Variants in ABI3BP observed in about 807,000 individuals in gnomAD.
ABI3BP encodes the protein ABI family member 3 binding protein, also known as target of Nesh-SH3.
A neutral mutation model predicts 268.6 loss-of-function variants in ABI3BP; 216 were observed. The observed-to-expected ratio is 0.80, with a 90% confidence interval of 0.72 to 0.90. ABI3BP has a LOEUF of 0.90. ABI3BP is among the 40% of genes least tolerant of loss of function. The pLI, the probability that ABI3BP is intolerant of heterozygous loss-of-function variation, is 0.00. For missense variants in ABI3BP, 2,090 were observed against 2,182.4 expected (o/e 0.96, Z 0.84); for synonymous variants, 730 against 730.0 (o/e 1.00, Z 0.00).
chr3:100,967,332 T>C (rs933631435), intron 1 of ABI3BP, among the ~76,000 whole-genome samples: 7 of 151,894 alleles, frequency 4.6e-5, no homozygotes, highest in African/African-American at 1.7e-4. Context: ...TGAAATATTG[T>C]CTCTGTCAAA....
intron 27 of ABI3BP, 146 bp downstream of exon 27, chr3:100,836,974 TAAAA>T: frequency 1.5e-6 from 1 of 682,024 alleles, no homozygotes; most frequent in South Asian, 2.1e-5. Flanking sequence ...CTAATGATGT[TAAAA>T]AGGCCCCTGT....
At chr3:100,870,263 C>A (rs571182484) in intron 9 of ABI3BP, among the ~76,000 whole-genome samples, 30 of 152,166 alleles carry the variant, frequency 2.0e-4, no homozygotes, top group African/African-American at 7.0e-4. Context: ...TATTTGCAAA[C>A]CACATGTATC....
At chr3:100,824,745 C>A in intron 36 of ABI3BP, 113 bp downstream of exon 36, 1 of 828,522 alleles carries the variant, frequency 1.2e-6, no homozygotes, top group East Asian at 2.7e-5. Context: ...ATGCCTTATG[C>A]CCTCGTGCTT....
intron 1 of ABI3BP, among the ~76,000 whole-genome samples, chr3:100,947,781 GA>G (rs1021038127): frequency 2.7e-5 from 4 of 150,830 alleles, no homozygotes; most frequent in African/African-American, 4.9e-5. Flanking sequence ...ATGAAGCTGA[GA>G]AAAAAAAAGA....
Position 100,862,317 on chromosome 3 carries a change from G to T in ABI3BP, c.1279C>A (p.Gln427Lys). 6.3e-7 allele frequency: 1 copy of T among 1,597,630 alleles called. No individual in the cohort carries two copies. Among genetic ancestry groups the T allele is most frequent in the Non-Finnish European group, 8.5e-7 (1 of 1,172,340 alleles). ...ISEDSKVLQP[Q>K]TATYDVFSSP... The stretch of plus-strand genomic sequence containing the variant: ...AAGAAAAGGATTTAATTACCAGTTT[G>T]AGGCTGCAGAACTTTGGAATCTTCA... Residue 427 changes from glutamine to lysine, a missense_variant, in exon 14 of 68, where the codon CAA becomes AAA. Physicochemically the swap from Gln to Lys is moderately conservative, Grantham distance 53 (BLOSUM62 1). Coordinates refer to ENST00000471714, the MANE Select transcript of ABI3BP (RefSeq NM_001375547.2).
intron 14 of ABI3BP, among the ~76,000 whole-genome samples, chr3:100,852,376 C>G (rs75389222): frequency 0.03 from 4,603 of 152,298 alleles, 204 homozygotes; most frequent in African/African-American, 0.1. Flanking sequence ...GTAAAAGTTA[C>G]TGTTACAATA....
At chr3:100,786,350 T>C (rs2097045684) in intron 57 of ABI3BP, among the ~76,000 whole-genome samples, 1 of 152,182 alleles carries the variant, frequency 6.6e-6, no homozygotes, top group African/African-American at 2.4e-5. Context: ...GATACATTAT[T>C]ATAAAGTTGA....
chr3:100,884,254 C>A (rs2040814862), intron 6 of ABI3BP, among the ~76,000 whole-genome samples: 1 of 150,048 alleles, frequency 6.7e-6, no homozygotes, highest in Non-Finnish European at 1.5e-5. Flanking sequence ...AACAAAAAAC[C>A]AACCAAACAG....
At chr3:100,960,841 T>C (rs1194076039) in intron 1 of ABI3BP, among the ~76,000 whole-genome samples, 1 of 152,154 alleles carries the variant, frequency 6.6e-6, no homozygotes, top group African/African-American at 2.4e-5. Context: ...GCAAAGAACC[T>C]GAATGAGCCT....
At chr3:100,801,874 A>C (rs73152431) in intron 51 of ABI3BP, among the ~76,000 whole-genome samples, 21,052 of 152,204 alleles carry the variant, frequency 0.14, 1,895 homozygotes, top group South Asian at 0.27. Flanking sequence ...GACAAAAAGT[A>C]TAAATGGAAA....
At chr3:100,759,891 TAAG>T (rs2095846137) in intron 63 of ABI3BP, among the ~76,000 whole-genome samples, 1 of 152,168 alleles carries the variant, frequency 6.6e-6, no homozygotes, top group Non-Finnish European at 1.5e-5. Flanking sequence ...ACAAAGCCCA[TAAG>T]AAGAGATGTT....
chr3:100,886,195 T>A lies in ABI3BP; in HGVS notation c.590A>T (p.Asn197Ile). The change falls in exon 5 of 68, where the codon AAT (asparagine) becomes ATT (isoleucine). Residue 197 changes from asparagine (N) to isoleucine (I), a missense_variant. Physicochemically the swap from Asn to Ile is moderately radical, Grantham distance 149. Transcript: ENST00000471714. ...NTVYEFGVKDNVEGGIWSKIF... is the reference protein window; with the variant it reads ...NTVYEFGVKDIVEGGIWSKIF... The stretch of plus-strand genomic sequence containing the variant: ...CTTACTCCAAATTCCACCTTCCACA[T>A]TGTCTTTCACTCCAAATTCATAAAC... The A allele has an allele frequency of 1.9e-6, 3 of 1,606,366 alleles. No individual in the cohort carries two copies. Among genetic ancestry groups the A allele is most frequent in the Non-Finnish European group, 1.7e-6 (2 of 1,176,232 alleles).
At chr3:100,924,861 A>C (rs1342701055) in intron 2 of ABI3BP, among the ~76,000 whole-genome samples, 1 of 152,174 alleles carries the variant, frequency 6.6e-6, no homozygotes, top group Non-Finnish European at 1.5e-5. Flanking sequence ...CAATTTATAT[A>C]ACAAAAAAAC....
chr3:100,972,432 C>A (rs988446750), intron 1 of ABI3BP, among the ~76,000 whole-genome samples: 1 of 152,170 alleles, frequency 6.6e-6, no homozygotes, highest in East Asian at 1.9e-4. Context: ...TGCACTAAAA[C>A]AACCAGGTTC....
At chr3:100,801,425 C>CAAAAAAAAAAAA (rs68171311) in intron 51 of ABI3BP, among the ~76,000 whole-genome samples, 1 of 87,508 alleles carries the variant, frequency 1.1e-5, no homozygotes, top group Non-Finnish European at 2.5e-5. Flanking sequence ...GATATCCTGT[C>CAAAAAAAAAAAA]AAAAAAAAAA....
At chr3:100,774,434 A>G (rs551331501) in intron 61 of ABI3BP, among the ~76,000 whole-genome samples, 171 bp downstream of exon 61, 36 of 152,282 alleles carry the variant, frequency 2.4e-4, no homozygotes, top group Admixed American at 2.3e-3. Flanking sequence ...TAAGCTAAAC[A>G]TATCCTAGAT....
chr3:100,854,853 C>T (rs1024224961), intron 14 of ABI3BP, among the ~76,000 whole-genome samples: 1 of 152,104 alleles, frequency 6.6e-6, no homozygotes, highest in South Asian at 2.1e-4. Context: ...TTCAGATTTT[C>T]CAGAGGAAAA....
At chr3:100,764,321 G>A (rs993868233) in intron 63 of ABI3BP, among the ~76,000 whole-genome samples, 2 of 152,192 alleles carry the variant, frequency 1.3e-5, no homozygotes, top group Non-Finnish European at 2.9e-5. Context: ...TCACTACTTT[G>A]TGTAGAATCC....
intron 14 of ABI3BP, among the ~76,000 whole-genome samples, chr3:100,854,707 C>T (rs2098919682): frequency 2.6e-5 from 4 of 152,162 alleles, no homozygotes; most frequent in South Asian, 2.1e-4. Flanking sequence ...ATTCACAGAA[C>T]ATACATGGGA....
Sources: allele counts gnomAD v4.1 joint callset (sites outside exome capture counted in the v4.1 genomes callset), GRCh38; gene constraint gnomAD v4.1.1; transcripts MANE v1.5; gene names NCBI Gene and HGNC (gene_info 2026-07-23, HGNC 2026-07-21).